MARCHF10: variants seen among roughly 807,000 people sequenced by gnomAD.
MARCHF10 encodes the protein probable E3 ubiquitin-protein ligase MARCHF10.
A neutral mutation model predicts 76.2 loss-of-function variants in MARCHF10; 64 were observed. The ratio of observed to expected loss-of-function variants is 0.84; its 90% CI spans 0.69 to 1.03. MARCHF10 has a LOEUF of 1.03. Among genes scored for constraint, MARCHF10 ranks in the 50% least tolerant of loss-of-function variants. The probability of loss-of-function intolerance (pLI) is 0.00; values close to 1 mark genes in which losing one functional copy is unlikely to be tolerated. For synonymous variants in MARCHF10, 340 were observed against 357.5 expected, an observed-to-expected ratio of 0.95 and a Z score of 0.55; for missense variants, 875 against 958.0, an observed-to-expected ratio of 0.91 and a Z score of 1.14.
intron 5 of MARCHF10, among the ~76,000 whole-genome samples, chr17:62,739,925 CAGA>C (rs902824841): frequency 6.6e-6 from 1 of 152,148 alleles, no homozygotes; most frequent in South Asian, 2.1e-4. Context: ...GCCTGGGGGA[CAGA>C]AGAAGTCCCA....
At chr17:62,755,647 C>T (rs1014802712) in intron 4 of MARCHF10, among the ~76,000 whole-genome samples, 8 of 152,194 alleles carry the variant, frequency 5.3e-5, no homozygotes, top group African/African-American at 1.9e-4. Flanking sequence ...ACGTGAGACC[C>T]GGCCAGGTCT....
intron 4 of MARCHF10, among the ~76,000 whole-genome samples, chr17:62,752,552 T>C (rs1488541110): frequency 6.6e-6 from 1 of 152,168 alleles, no homozygotes; most frequent in Admixed American, 6.5e-5. Context: ...CTTTCTTCCT[T>C]ATCCCTACAT....
intron 8 of MARCHF10, among the ~76,000 whole-genome samples, chr17:62,716,213 C>T (rs2090186856): frequency 6.6e-6 from 1 of 152,216 alleles, no homozygotes; most frequent in African/African-American, 2.4e-5. Context: ...CGCTGCTGGT[C>T]GGTAGGGCCC....
chr17:62,784,176 A>T (rs2092708715), intron 3 of MARCHF10, among the ~76,000 whole-genome samples: 1 of 152,234 alleles, frequency 6.6e-6, no homozygotes, highest in Non-Finnish European at 1.5e-5. Context: ...CTTATCCACC[A>T]TGATCAAGTC....
intron 9 of MARCHF10, among the ~76,000 whole-genome samples, chr17:62,710,333 T>A (rs1331288127): frequency 6.6e-6 from 1 of 152,170 alleles, no homozygotes; most frequent in African/African-American, 2.4e-5. Flanking sequence ...TTTTCTTTTT[T>A]AAAAAATGTA....
chr17:62,749,266 C>T (rs1010747773), intron 4 of MARCHF10, among the ~76,000 whole-genome samples: 1 of 152,184 alleles, frequency 6.6e-6, no homozygotes, highest in Non-Finnish European at 1.5e-5. Context: ...AGAACCAAGT[C>T]CATTCAGCTG....
chr17:62,759,315 G>A (rs2092130709), intron 4 of MARCHF10, among the ~76,000 whole-genome samples: 1 of 152,186 alleles, frequency 6.6e-6, no homozygotes, highest in African/African-American at 2.4e-5. Flanking sequence ...CAGAAAATGC[G>A]GGCGGTGGAG....
At chr17:62,737,363 C>T (rs1446327185) in intron 5 of MARCHF10, 31 bp from the exon 6 acceptor site, 2 of 1,588,446 alleles carry the variant, frequency 1.3e-6, no homozygotes, top group Admixed American at 1.9e-5. Context: ...TTTATCGTTC[C>T]AGTAAAAGGG....
rs539639713 is a variant in MARCHF10, at chr17:62,764,467, C to T, written c.211-4461G>A. ...GGAGGGAAAAGGCAAAGAGTAGTGT[C>T]AAGCTGGCGCCAGACTGTGTTGAGT... On this transcript the variant is annotated intron_variant, in intron 3 of 10. Transcript: ENST00000311269. 2.0e-5 allele frequency among the ~76,000 whole-genome samples: 3 copies of T among 152,300 alleles called. No homozygotes were observed. In the East Asian group the frequency reaches 5.8e-4, roughly 29 times the overall value.
chr17:62,759,686 G>T, intron 4 of MARCHF10, 149 bp downstream of exon 4: 1 of 695,718 alleles, frequency 1.4e-6, no homozygotes, highest in Non-Finnish European at 2.4e-6. Flanking sequence ...GGCCAGGCTG[G>T]TCTTGGACTC....
intron 2 of MARCHF10, among the ~76,000 whole-genome samples, chr17:62,793,822 AC>A (rs2092933380): frequency 7.7e-6 from 1 of 130,134 alleles, no homozygotes; most frequent in Non-Finnish European, 1.6e-5. Context: ...CACCACCAAC[AC>A]CTCCATCACC....
chr17:62,788,405 TCACACA>T, intron 3 of MARCHF10, 69 bp downstream of exon 3: 2 of 1,521,806 alleles, frequency 1.3e-6, no homozygotes, highest in Non-Finnish European at 1.8e-6. Context: ...TTTTCCTACA[TCACACA>T]CACACACACA....
chr17:62,717,287 A>G (rs1205089154), intron 8 of MARCHF10, among the ~76,000 whole-genome samples: 1 of 152,228 alleles, frequency 6.6e-6, no homozygotes, highest in African/African-American at 2.4e-5. Context: ...CGCCCATGCT[A>G]TGACCTGGCT....
intron 3 of MARCHF10, among the ~76,000 whole-genome samples, chr17:62,762,567 G>A (rs2092233625): frequency 6.6e-6 from 1 of 151,838 alleles, no homozygotes; most frequent in African/African-American, 2.4e-5. Flanking sequence ...TTTTTCTGGA[G>A]ACAGAGTCTT....
At chr17:62,766,183 A>G (rs1205302272) in intron 3 of MARCHF10, among the ~76,000 whole-genome samples, 1 of 151,608 alleles carries the variant, frequency 6.6e-6, no homozygotes, top group Non-Finnish European at 1.5e-5. Flanking sequence ...GGGACAGAGC[A>G]AGACCCTGTC....
intron 2 of MARCHF10, among the ~76,000 whole-genome samples, chr17:62,799,801 C>T (rs1205276119): frequency 1.3e-5 from 2 of 152,210 alleles, no homozygotes; most frequent in Admixed American, 1.3e-4. Flanking sequence ...CTGTGAGACC[C>T]AGTGTGACAC....
intron 6 of MARCHF10, among the ~76,000 whole-genome samples, chr17:62,728,779 C>T (rs914894627): frequency 1.3e-5 from 2 of 152,032 alleles, no homozygotes; most frequent in African/African-American, 4.8e-5. Flanking sequence ...GATTGATCCA[C>T]CAAGAAGAGA....
At chr17:62,702,044 C>G (rs1256872170) in intron 10 of MARCHF10, among the ~76,000 whole-genome samples, 1 of 152,206 alleles carries the variant, frequency 6.6e-6, no homozygotes, top group Non-Finnish European at 1.5e-5. Context: ...TGTTTTCAGG[C>G]TGAATAGCTG....
chr17:62,755,290 T>C (rs904570735), intron 4 of MARCHF10, among the ~76,000 whole-genome samples: 2 of 151,366 alleles, frequency 1.3e-5, no homozygotes, highest in Non-Finnish European at 2.9e-5. Context: ...AGGGGACGCT[T>C]GCTTCCCACA....
Sources: gnomAD v4.1 joint callset for allele counts (sites outside exome capture counted in the v4.1 genomes callset) on GRCh38, gnomAD v4.1.1 for gene constraint, MANE v1.5 for transcripts, NCBI Gene and HGNC (gene_info 2026-07-23, HGNC 2026-07-21) for gene names.